METAP1: variants seen among roughly 807,000 people sequenced by gnomAD.
METAP1 encodes methionyl aminopeptidase 1, also known as methionine aminopeptidase 1.
Under a neutral mutation model 53.8 loss-of-function variants are expected in METAP1, and 28 were observed. The observed-to-expected ratio is 0.52, with a 90% confidence interval of 0.39 to 0.71. The LOEUF (loss-of-function observed/expected upper bound fraction) is 0.71. Among genes scored for constraint, METAP1 ranks in the 30% least tolerant of loss-of-function variants. The pLI is 0.00. For synonymous variants in METAP1, 181 were observed against 165.7 expected (o/e 1.09, Z -0.71); for missense variants, 389 against 479.8 (o/e 0.81, Z 1.77).
In METAP1 at chr4:99,061,572, C is replaced by G; in HGVS notation, c.*255C>G. On this transcript the variant is annotated 3_prime_UTR_variant, in exon 11 of 11. Transcript: ENST00000296411. ...TGTTTTCTCATTTGCCCTTTGAGCA[C>G]TTTTACTTAAACTTGCTTGTAGTTG... is the stretch of plus-strand genomic sequence containing the variant. 3.1e-6 allele frequency: 1 copy of G among 320,014 alleles called. No homozygotes were observed. The highest frequency in any genetic ancestry group is 5.6e-6 in the Non-Finnish European group (1 of 177,390). 19.8% of individuals were successfully genotyped at this position (320,014 alleles called of 1,614,324 possible).
At chr4:99,057,455 CTTTA>C (rs1368762934) in intron 9 of METAP1, among the ~76,000 whole-genome samples, 1 of 152,134 alleles carries the variant, frequency 6.6e-6, no homozygotes, top group Admixed American at 6.5e-5. Context: ...TTCTTTTATT[CTTTA>C]TTTGCCACTT....
chr4:99,040,936 T>C, intron 5 of METAP1, 107 bp from the exon 6 acceptor site: 1 of 454,806 alleles, frequency 2.2e-6, no homozygotes, highest in Non-Finnish European at 3.9e-6. Flanking sequence ...ATTATAATAT[T>C]CAAGGGGAGA....
intron 4 of METAP1, among the ~76,000 whole-genome samples, chr4:99,036,640 ATG>A: frequency 6.6e-6 from 1 of 152,254 alleles, no homozygotes; most frequent in Non-Finnish European, 1.5e-5. Context: ...TGTCTTACAA[ATG>A]TGTCTTATAA....
intron 9 of METAP1, among the ~76,000 whole-genome samples, chr4:99,049,308 A>G (rs1726501287): frequency 2.0e-5 from 3 of 152,188 alleles, no homozygotes; most frequent in Admixed American, 2.0e-4. Context: ...TTTAAATGCA[A>G]GGGAGATGGG....
chr4:99,022,650 A>T, intron 1 of METAP1: 21 of 1,043,774 alleles, frequency 2.0e-5, no homozygotes, highest in Middle Eastern at 2.2e-4. Context: ...TGGCGCTCAA[A>T]GGCAAGGTGC....
At chr4:99,028,802 A>C (rs375673660) in intron 1 of METAP1, 65 bp from the exon 2 acceptor site, 8 of 1,202,970 alleles carry the variant, frequency 6.7e-6, no homozygotes, top group Non-Finnish European at 9.4e-6. Flanking sequence ...CTTATATACA[A>C]TATTCCTTAA....
At chr4:99,015,774 G>T (rs1227206643) in intron 1 of METAP1, among the ~76,000 whole-genome samples, 2 of 152,178 alleles carry the variant, frequency 1.3e-5, no homozygotes, top group African/African-American at 2.4e-5. Flanking sequence ...CACTAGACAA[G>T]CATCAAAGGA....
rs1467092798 is a variant in METAP1, at chr4:99,041,049, A to G, written c.439A>G (p.Arg147Gly). Reference sequence around the variant, plus strand: ...GAGTGTTCCTTTTTTACAGCTTGCTAGAGAAGTTTTGGATGTTGCTGCCGG... The same window carrying G: ...GAGTGTTCCTTTTTTACAGCTTGCTGGAGAAGTTTTGGATGTTGCTGCCGG... Reference protein sequence around the residue: ...EGMRLVCRLAREVLDVAAGMI... With the variant: ...EGMRLVCRLAGEVLDVAAGMI... The change falls in exon 6 of 11, where the codon AGA becomes GGA. Residue 147 changes from arginine (R) to glycine (G), a missense_variant. Transcript: ENST00000296411. 2.5e-6 allele frequency: 4 copies of G among 1,607,254 alleles called. No individual in the cohort carries two copies. The highest frequency in any genetic ancestry group is 3.4e-6 in the Non-Finnish European group (4 of 1,175,608).
intron 1 of METAP1, among the ~76,000 whole-genome samples, chr4:99,013,533 C>A (rs1723588027): frequency 6.6e-6 from 1 of 152,180 alleles, no homozygotes; most frequent in Non-Finnish European, 1.5e-5. Flanking sequence ...CACCAGCAGT[C>A]CAGCCACGAG....
chr4:98,997,405 T>TAGGTTTAACATGTAC (rs1167893592), intron 1 of METAP1: 1 of 153,694 alleles, frequency 6.5e-6, no homozygotes, highest in African/African-American at 2.4e-5. Flanking sequence ...GGACCTGTAC[T>TAGGTTTAACATGTAC]AGGTTTAACA....
chr4:99,045,544 C>T (rs894303624), intron 8 of METAP1, among the ~76,000 whole-genome samples: 2 of 152,152 alleles, frequency 1.3e-5, no homozygotes, highest in Non-Finnish European at 2.9e-5. Flanking sequence ...TCTTCCTTTT[C>T]TTTGCCTGAT....
At chr4:99,043,186 A>G in intron 6 of METAP1, 63 bp from the exon 7 acceptor site, 1 of 1,289,230 alleles carries the variant, frequency 7.8e-7, no homozygotes, top group Non-Finnish European at 1.1e-6. Flanking sequence ...CAAATTTTAA[A>G]ATCTGTAATT....
rs1233534889 is a variant in METAP1, at chr4:99,035,395, T to C, written c.280-5T>C. On this transcript the variant is annotated splice_polypyrimidine_tract_variant and splice_region_variant and intron_variant, in intron 3 of 10. Coordinates refer to ENST00000296411, the MANE Select transcript of METAP1 (RefSeq NM_015143.3). The stretch of plus-strand genomic sequence containing the variant: ...TAAATCAGTTTTAACTAACTTTGTT[T>C]TTAGATGCCAACAAGGCCAGTGCCA... The C allele has an allele frequency of 6.5e-6, 10 of 1,543,750 alleles. No individual in the cohort carries two copies. The highest frequency in any genetic ancestry group is 8.8e-6 in the Non-Finnish European group (10 of 1,140,100).
intron 7 of METAP1, among the ~76,000 whole-genome samples, chr4:99,044,385 A>G (rs1726079250): frequency 6.6e-6 from 1 of 152,204 alleles, no homozygotes; most frequent in African/African-American, 2.4e-5. Context: ...AAATTTAACT[A>G]TGACACTATT....
intron 1 of METAP1, among the ~76,000 whole-genome samples, chr4:99,020,501 C>T (rs753009107): frequency 3.9e-5 from 6 of 152,040 alleles, no homozygotes; most frequent in African/African-American, 7.2e-5. Context: ...GAGGAGGAGG[C>T]GGGACTACCA....
At position 99,034,254 on chromosome 4, in the gene METAP1, T is replaced by C; in HGVS notation, c.191T>C (p.Val64Ala). Residue 64 changes from valine to alanine, a missense_variant, in exon 3 of 11, where the codon GTG (valine) becomes GCG (alanine). Val to Ala is a moderately conservative substitution (Grantham distance 64). Transcript: ENST00000296411. ...KAKDEKAKRE[V>A]SSWTVEGDIN... ...GAAGATGAAAAGGCGAAGCGAGAAG[T>C]GTCTTCCTGGACTGTGGAAGGTGAT... is the stretch of plus-strand genomic sequence containing the variant. The C allele has an allele frequency of 1.3e-6, 2 of 1,550,374 alleles. No homozygotes were observed. Among genetic ancestry groups the C allele is most frequent in the African/African-American group, 1.4e-5 (1 of 73,102 alleles).
intron 1 of METAP1, among the ~76,000 whole-genome samples, chr4:99,005,132 T>C (rs929666779): frequency 5.9e-5 from 9 of 152,088 alleles, no homozygotes; most frequent in African/African-American, 2.2e-4. Context: ...AAATAAATAA[T>C]TGGGACATAA....
intron 1 of METAP1, 34 bp downstream of exon 1, chr4:98,995,901 C>T: frequency 6.7e-7 from 1 of 1,485,144 alleles, no homozygotes; most frequent in Non-Finnish European, 9.2e-7. Flanking sequence ...TATGCCGCCG[C>T]TGCGGGACCC....
chr4:99,002,791 A>C (rs1458067091), intron 1 of METAP1, among the ~76,000 whole-genome samples: 2 of 152,172 alleles, frequency 1.3e-5, no homozygotes, highest in Non-Finnish European at 2.9e-5. Flanking sequence ...AAACCCTGTT[A>C]AGGCCAGGCG....
Sources: allele counts gnomAD v4.1 joint callset (sites outside exome capture counted in the v4.1 genomes callset), GRCh38; gene constraint gnomAD v4.1.1; transcripts MANE v1.5; gene names NCBI Gene and HGNC (gene_info 2026-07-23, HGNC 2026-07-21).